CNBD1: variants seen among roughly 807,000 people sequenced by gnomAD.
CNBD1 encodes the protein cyclic nucleotide binding domain containing 1, also known as cyclic nucleotide-binding domain-containing protein 1.
In CNBD1, 71 loss-of-function variants were observed where a neutral mutation model predicts 54.4. That is an observed-to-expected ratio of 1.30 (90% CI 1.08 to 1.59). The LOEUF (loss-of-function observed/expected upper bound fraction) is 1.59. Ranked by LOEUF, CNBD1 falls within the 40% of genes most tolerant of loss-of-function variation. The probability of loss-of-function intolerance (pLI) is 0.00; values close to 1 mark genes in which losing one functional copy is unlikely to be tolerated. For missense variants in CNBD1, 659 were observed against 518.0 expected, an observed-to-expected ratio of 1.27 and a Z score of -2.64; for synonymous variants, 182 against 170.7, an observed-to-expected ratio of 1.07 and a Z score of -0.51.
At chr8:87,113,620 C>T (rs1302171717) in intron 4 of CNBD1, among the ~76,000 whole-genome samples, 2 of 152,170 alleles carry the variant, frequency 1.3e-5, no homozygotes, top group African/African-American at 2.4e-5. Flanking sequence ...CTTTTACTTA[C>T]CTCAAAAAGA....
chr8:87,263,276 T>A (rs1808178969), intron 6 of CNBD1, among the ~76,000 whole-genome samples: 1 of 152,220 alleles, frequency 6.6e-6, no homozygotes, highest in South Asian at 2.1e-4. Context: ...CATATTTGTA[T>A]ATAATAATAC....
At position 87,234,239 on chromosome 8, in the gene CNBD1, G is replaced by A. The variant is rs899998249; in HGVS notation, c.578-2680G>A. 5.3e-4 allele frequency among the ~76,000 whole-genome samples: 81 copies of A among 152,222 alleles called. 1 individual carries two copies. The highest frequency in any genetic ancestry group is 1.8e-3 in the African/African-American group (75 of 41,534). ...AATCAACTTTTCCAAACTCCTGTTA[G>A]TGTTGATATTTTGACCTCCTCTCAT... On this transcript the variant is annotated intron_variant, in intron 5 of 10. Transcript: ENST00000518476.
At chr8:87,054,196 G>T (rs1338779609) in intron 4 of CNBD1, among the ~76,000 whole-genome samples, 1 of 152,178 alleles carries the variant, frequency 6.6e-6, no homozygotes, top group East Asian at 1.9e-4. Context: ...TGACTAGTTG[G>T]TATGACAGAG....
intron 3 of CNBD1, among the ~76,000 whole-genome samples, chr8:86,914,777 A>C (rs1809157237): frequency 6.6e-6 from 1 of 152,184 alleles, no homozygotes; most frequent in African/African-American, 2.4e-5. Flanking sequence ...ATTTTATCTA[A>C]AGTGCACTCT....
chr8:87,282,175 C>G (rs575776242), intron 6 of CNBD1, among the ~76,000 whole-genome samples: 1 of 151,442 alleles, frequency 6.6e-6, no homozygotes, highest in Non-Finnish European at 1.5e-5. Flanking sequence ...GAAACCTATA[C>G]AATATTTTTC....
intron 4 of CNBD1, among the ~76,000 whole-genome samples, chr8:87,087,260 TAC>T (rs1035576953): frequency 1.4e-5 from 2 of 140,874 alleles, no homozygotes; most frequent in Non-Finnish European, 3.0e-5. Flanking sequence ...TATATATATA[TAC>T]ATATATATAT....
intron 4 of CNBD1, among the ~76,000 whole-genome samples, chr8:87,061,862 G>A (rs1229128165): frequency 1.3e-5 from 2 of 152,216 alleles, no homozygotes; most frequent in Non-Finnish European, 2.9e-5. Context: ...AGCTTTCTCT[G>A]CAGGCGTCTC....
At chr8:87,175,124 T>C (rs911121850) in intron 4 of CNBD1, among the ~76,000 whole-genome samples, 1 of 152,134 alleles carries the variant, frequency 6.6e-6, no homozygotes, top group African/African-American at 2.4e-5. Context: ...TCTCAGGTGG[T>C]AAAGCCAACT....
chr8:87,316,286 A>C (rs1412694379), intron 8 of CNBD1, among the ~76,000 whole-genome samples: 2 of 152,028 alleles, frequency 1.3e-5, no homozygotes, highest in Non-Finnish European at 2.9e-5. Flanking sequence ...TAGAATGAAA[A>C]GATAGTTTCT....
At chr8:87,240,063 AAAACAC>A (rs1235428059) in intron 6 of CNBD1, among the ~76,000 whole-genome samples, 1 of 112,656 alleles carries the variant, frequency 8.9e-6, no homozygotes, top group Non-Finnish European at 1.8e-5. Context: ...GGTCTGTGCC[AAAACAC>A]ACACACACAC....
chr8:87,267,934 A>G (rs767773612), intron 6 of CNBD1, among the ~76,000 whole-genome samples: 21 of 152,152 alleles, frequency 1.4e-4, no homozygotes, highest in Admixed American at 4.6e-4. Flanking sequence ...TTAGTCTGCT[A>G]GTATTTTTGT....
intron 4 of CNBD1, among the ~76,000 whole-genome samples, chr8:87,062,361 G>A (rs143458038): frequency 4.6e-5 from 7 of 152,076 alleles, no homozygotes; most frequent in African/African-American, 1.7e-4. Flanking sequence ...CTTCCTAGGA[G>A]GTACTTACAT....
chr8:87,412,824 A>G (rs1388062339), intron 2 of CNBD1, among the ~76,000 whole-genome samples: 1 of 152,084 alleles, frequency 6.6e-6, no homozygotes, highest in African/African-American at 2.4e-5. Flanking sequence ...TAGGTTAGGC[A>G]GTGATGTAAA....
At chr8:86,925,502 TG>T (rs1218190794) in intron 3 of CNBD1, among the ~76,000 whole-genome samples, 1 of 150,692 alleles carries the variant, frequency 6.6e-6, no homozygotes, top group Non-Finnish European at 1.5e-5. Context: ...TGTGTGTGTG[TG>T]TGTGTGTGTG....
chr8:87,424,946 T>C (rs1004815627), intron 2 of CNBD1, among the ~76,000 whole-genome samples: 5 of 152,146 alleles, frequency 3.3e-5, no homozygotes, highest in African/African-American at 1.2e-4. Flanking sequence ...TCCCCATGAC[T>C]TTCAGGTACA....
chr8:86,916,418 C>G (rs1464621268), intron 3 of CNBD1, among the ~76,000 whole-genome samples: 2 of 152,160 alleles, frequency 1.3e-5, no homozygotes, highest in Admixed American at 6.5e-5. Context: ...GGTGGGCTGT[C>G]TGCATCCACA....
chr8:86,887,631 C>A lies in CNBD1; in HGVS notation c.158+20C>A, dbSNP rs1344719216. The A allele has an allele frequency of 6.6e-7, 1 of 1,521,778 alleles. No individual in the cohort carries two copies. Among genetic ancestry groups the A allele is most frequent in the South Asian group, 1.2e-5 (1 of 81,510 alleles). 94.3% of individuals were successfully genotyped at this position (1,521,778 alleles called of 1,614,324 possible). ...ACACAGGTAAGCTATTCATGCATTT[C>A]TTTTTCTGTCATTCAAATGAATATG... On this transcript the variant is annotated intron_variant, in intron 2 of 10. Transcript: ENST00000518476.
At chr8:87,125,395 A>G (rs1163464244) in intron 4 of CNBD1, among the ~76,000 whole-genome samples, 1 of 151,836 alleles carries the variant, frequency 6.6e-6, no homozygotes, top group Non-Finnish European at 1.5e-5. Flanking sequence ...TAAAGAACTT[A>G]TAATCAAAAT....
At chr8:87,106,046 C>T (rs115660572) in intron 4 of CNBD1, among the ~76,000 whole-genome samples, 1,831 of 152,192 alleles carry the variant, frequency 0.012, 35 homozygotes, top group African/African-American at 0.042. Flanking sequence ...TTCCAGTGTT[C>T]CCTTATCAAA....
Sources: allele counts gnomAD v4.1 joint callset (sites outside exome capture counted in the v4.1 genomes callset), GRCh38; gene constraint gnomAD v4.1.1; transcripts MANE v1.5; gene names NCBI Gene and HGNC (gene_info 2026-07-23, HGNC 2026-07-21).